Variants in PCLO observed in about 807,000 individuals in gnomAD.
PCLO encodes the protein protein piccolo.
PCLO carries 82 observed loss-of-function variants against 427.5 expected under a neutral mutation model. That is an observed-to-expected ratio of 0.19 (90% CI 0.16 to 0.23). PCLO has a LOEUF of 0.23. PCLO is among the 10% of genes least tolerant of loss of function. The pLI, the probability that PCLO is intolerant of heterozygous loss-of-function variation, is 1.00. For synonymous variants in PCLO, 2,357 were observed against 2,155.4 expected (o/e 1.09, Z -2.59); for missense variants, 6,239 against 6,115.9 (o/e 1.02, Z -0.67).
intron 3 of PCLO, among the ~76,000 whole-genome samples, chr7:82,988,879 G>T (rs995087176): frequency 3.0e-4 from 46 of 151,322 alleles, no homozygotes; most frequent in African/African-American, 1.1e-3. Context: ...TTGTTGCCCA[G>T]GCTGGAGTGC....
intron 22 of PCLO, among the ~76,000 whole-genome samples, chr7:82,771,322 A>T (rs1483079998): frequency 6.6e-6 from 1 of 151,972 alleles, no homozygotes; most frequent in African/African-American, 2.4e-5. Flanking sequence ...AGAATTCCTA[A>T]GATAGAATTT....
chr7:82,990,042 G>A (rs545556296), intron 3 of PCLO, among the ~76,000 whole-genome samples: 2 of 152,234 alleles, frequency 1.3e-5, no homozygotes, highest in East Asian at 3.9e-4. Flanking sequence ...GAAGTTTGTG[G>A]GAAAATAGTG....
At chr7:82,855,058 C>A (rs73710023) in intron 10 of PCLO, among the ~76,000 whole-genome samples, 13,345 of 152,048 alleles carry the variant, frequency 0.088, 915 homozygotes, top group African/African-American at 0.18. Flanking sequence ...CTTCTTTACT[C>A]ACATATCTAA....
intron 12 of PCLO, 58 bp from the exon 13 acceptor site, chr7:82,845,543 T>C (rs1792479059): frequency 3.5e-6 from 4 of 1,141,230 alleles, no homozygotes; most frequent in Non-Finnish European, 3.9e-6. Flanking sequence ...CTTTATACCA[T>C]GGAACTATGT....
chr7:82,892,678 T>G (rs1299411665), intron 9 of PCLO, among the ~76,000 whole-genome samples: 1 of 152,034 alleles, frequency 6.6e-6, no homozygotes, highest in Non-Finnish European at 1.5e-5. Flanking sequence ...AATCTCCTCA[T>G]CTGACAAAGG....
In PCLO at chr7:83,162,479, C is replaced by A. The variant is rs1488985249; in HGVS notation, c.114G>T (p.Pro38=). Residue 38 remains proline (P), a synonymous_variant, in exon 1 of 25, where the codon CCG becomes CCT. Transcript: ENST00000333891. The stretch of plus-strand genomic sequence containing the variant: ...GGCTCAAATCCGCCTCCATGCCGGC[C>A]GGGATCGCGGTGTGAGAGGGGCTCC... ...GAGSPSHTAI[P]AGMEADLSQL... is the part of the protein sequence containing the mutation. The A allele has an allele frequency of 1.3e-6, 2 of 1,580,052 alleles. No homozygotes were observed. Among genetic ancestry groups the A allele is most frequent in the Non-Finnish European group, 1.7e-6 (2 of 1,162,866 alleles).
chr7:83,066,528 T>C (rs1200295274), intron 3 of PCLO, among the ~76,000 whole-genome samples: 2 of 152,136 alleles, frequency 1.3e-5, no homozygotes, highest in East Asian at 3.8e-4. Context: ...CCATCTGTAT[T>C]TTCACACTCA....
At chr7:82,987,210 T>C (rs959113060) in intron 3 of PCLO, among the ~76,000 whole-genome samples, 1 of 152,120 alleles carries the variant, frequency 6.6e-6, no homozygotes, top group African/African-American at 2.4e-5. Flanking sequence ...TAGTTAATAC[T>C]GTGGCATAGA....
Position 82,951,458 on chromosome 7 carries a change from C to T in PCLO, c.9130G>A (p.Gly3044Ser), listed in dbSNP as rs868456866. The stretch of plus-strand genomic sequence containing the variant: ...ACTTGTCGTGTTTCTGGATATGGAC[C>T]TGTAGTCTTGCTTGAATAATCCATT... ...EVMDYSSKTT[G>S]PYPETRQVIS... is the part of the protein sequence containing the mutation. Residue 3044 changes from glycine (G) to serine (S), a missense_variant, in exon 6 of 25, where the codon GGT becomes AGT. Coordinates refer to ENST00000333891, the MANE Select transcript of PCLO (RefSeq NM_033026.6). 4 of 1,581,264 alleles carry T rather than the reference C, an allele frequency of 2.5e-6. No homozygotes were observed. Among genetic ancestry groups the T allele is most frequent in the South Asian group, 1.2e-5 (1 of 86,790 alleles).
At chr7:83,112,263 G>C (rs1050525378) in intron 3 of PCLO, among the ~76,000 whole-genome samples, 1 of 151,978 alleles carries the variant, frequency 6.6e-6, no homozygotes, top group Non-Finnish European at 1.5e-5. Flanking sequence ...TCTCCATGTT[G>C]GTCAGGCTGG....
chr7:82,911,541 AAC>A (rs1794321254), intron 7 of PCLO, among the ~76,000 whole-genome samples: 1 of 152,120 alleles, frequency 6.6e-6, no homozygotes. Context: ...CAGTTACATA[AAC>A]AGTTTAATTC....
Position 83,154,781 on chromosome 7 carries a change from G to T in PCLO, c.1860C>A (p.Leu620=). ...CTECQTTVCS[L]CGFNPNPHLT... ...AATGAGGATTGGGATTAAAACCACA[G>T]AGACTACAGACAGTGGTTTGACACT... is the stretch of plus-strand genomic sequence containing the variant. Residue 620 remains leucine (L), a synonymous_variant, in exon 2 of 25, where the codon CTC becomes CTA. Coordinates refer to ENST00000333891, the MANE Select transcript of PCLO (RefSeq NM_033026.6). The T allele has an allele frequency of 6.2e-7, 1 of 1,613,992 alleles. No homozygotes were observed. Among genetic ancestry groups the T allele is most frequent in the Non-Finnish European group, 8.5e-7 (1 of 1,179,842 alleles).
intron 3 of PCLO, among the ~76,000 whole-genome samples, chr7:83,097,861 A>G (rs571289995): frequency 6.6e-6 from 1 of 152,094 alleles, no homozygotes; most frequent in East Asian, 1.9e-4. Context: ...CATCTTCACT[A>G]TACATACTAT....
In PCLO at chr7:82,819,074, C is replaced by T. The variant is rs1250286065; in HGVS notation, c.14791+3421G>A. On this transcript the variant is annotated intron_variant, in intron 20 of 24. Coordinates refer to ENST00000333891, the MANE Select transcript of PCLO (RefSeq NM_033026.6). ...TATTGCATTTTATATAAATTTAACA[C>T]TATAGTATGTTTGCCTGAAGTGCCT... is the stretch of plus-strand genomic sequence containing the variant. 4.6e-5 allele frequency among the ~76,000 whole-genome samples: 7 copies of T among 152,230 alleles called. No homozygotes were observed. The East Asian group carries it at 1.4e-3, about 29-fold the overall frequency.
rs373659049 is a variant in PCLO, at chr7:82,826,608, G to T, written c.14396C>A (p.Ser4799Tyr). The change falls in exon 18 of 25, where the codon TCC (serine) becomes TAC (tyrosine). Residue 4799 changes from serine (S) to tyrosine (Y), a missense_variant. Coordinates refer to ENST00000333891, the MANE Select transcript of PCLO (RefSeq NM_033026.6). ...GCTTACCTCCCCAAGGAAGTCGTTG[G>T]ATGAAAATCTATCATAATCCCAAAC... ...VTVWDYDRFS[S>Y]NDFLGEVLID... The T allele has an allele frequency of 3.1e-6, 5 of 1,606,346 alleles. No homozygotes were observed. The highest frequency in any genetic ancestry group is 4.3e-6 in the Non-Finnish European group (5 of 1,175,260).
intron 6 of PCLO, among the ~76,000 whole-genome samples, chr7:82,937,748 A>G (rs1319703055): frequency 6.6e-6 from 1 of 151,812 alleles, no homozygotes; most frequent in Non-Finnish European, 1.5e-5. Flanking sequence ...CTCAATTGCA[A>G]GCAATTAGCC....
intron 6 of PCLO, among the ~76,000 whole-genome samples, chr7:82,925,925 C>T (rs1320355152): frequency 6.6e-6 from 1 of 151,488 alleles, no homozygotes; most frequent in East Asian, 1.9e-4. Context: ...CACTATGTTG[C>T]CCCGGCTGGT....
rs772603706 is a variant in PCLO at position 82,758,631 on chromosome 7, T to C, written c.15373A>G (p.Arg5125Gly). The change falls in exon 25 of 25, where the codon AGA becomes GGA. Residue 5125 changes from arginine to glycine, a missense_variant. Around this residue, in one of 5 missense-constraint regions of PCLO, gnomAD observed 877 missense variants for 925.5 expected, o/e 0.95. Coordinates refer to ENST00000333891, the MANE Select transcript of PCLO (RefSeq NM_033026.6). ...ACIWLDKVDL[R>G]KRIVNWHKLL... ...TTGTGCCAGTTGACTATTCTTTTTC[T>C]GAGATCCACTTTGTCAAGCCAGATA... 1.9e-6 allele frequency: 3 copies of C among 1,611,838 alleles called. No homozygotes were observed. The highest frequency in any genetic ancestry group is 2.2e-5 in the South Asian group (2 of 91,034).
At chr7:82,760,094 T>C (rs918088501) in intron 24 of PCLO, among the ~76,000 whole-genome samples, 2 of 151,968 alleles carry the variant, frequency 1.3e-5, no homozygotes, top group African/African-American at 4.8e-5. Flanking sequence ...AGGCTTAACA[T>C]GACTTGAAAA....
Sources: gnomAD v4.1 joint callset for allele counts (sites outside exome capture counted in the v4.1 genomes callset) on GRCh38, gnomAD v4.1.1 for gene constraint, gnomAD v4.1.1 regional missense constraint, MANE v1.5 for transcripts, NCBI Gene and HGNC (gene_info 2026-07-23, HGNC 2026-07-21) for gene names.